Variants in PELI1 observed in about 807,000 individuals in gnomAD.
PELI1 encodes the protein pellino E3 ubiquitin protein ligase 1.
PELI1 carries 15 observed loss-of-function variants against 41.3 expected under a neutral mutation model. That is an observed-to-expected ratio of 0.36 (90% CI 0.24 to 0.56). The LOEUF is 0.56. Among genes scored for constraint, PELI1 ranks in the 20% least tolerant of loss-of-function variants. The pLI is 0.82. For synonymous variants in PELI1, 178 were observed against 180.1 expected (o/e 0.99, Z 0.09); for missense variants, 403 against 525.5 (o/e 0.77, Z 2.28).
At chr2:64,100,245 T>C (rs1680378986) in intron 4 of PELI1, among the ~76,000 whole-genome samples, 153 bp downstream of exon 4, 1 of 152,216 alleles carries the variant, frequency 6.6e-6, no homozygotes, top group African/African-American at 2.4e-5. Flanking sequence ...CCATGCTAGA[T>C]TGACTTCTAT....
chr2:64,106,611 G>C (rs1458939139), intron 2 of PELI1, among the ~76,000 whole-genome samples: 1 of 152,146 alleles, frequency 6.6e-6, no homozygotes, highest in Admixed American at 6.6e-5. Context: ...TCTGAGAAAA[G>C]AATTTTAAGT....
At chr2:64,127,708 A>C (rs771244046) in intron 1 of PELI1, among the ~76,000 whole-genome samples, 1 of 152,200 alleles carries the variant, frequency 6.6e-6, no homozygotes, top group Non-Finnish European at 1.5e-5. Flanking sequence ...TTTGCTAACT[A>C]TAATTCTTTT....
At chr2:64,126,267 G>C (rs1304108957) in intron 1 of PELI1, among the ~76,000 whole-genome samples, 1 of 152,112 alleles carries the variant, frequency 6.6e-6, no homozygotes, top group African/African-American at 2.4e-5. Flanking sequence ...GGGTTCAACC[G>C]ATTCTCCTGC....
At chr2:64,098,191 A>G (rs1362571316) in intron 4 of PELI1, among the ~76,000 whole-genome samples, 1 of 152,226 alleles carries the variant, frequency 6.6e-6, no homozygotes, top group East Asian at 1.9e-4. Context: ...GAATGTGATC[A>G]GATGCCAAAA....
In PELI1 at chr2:64,095,112, G is replaced by A; in HGVS notation, c.847C>T (p.Pro283Ser). 1 of 1,614,104 alleles carries A rather than the reference G, an allele frequency of 6.2e-7. No individual in the cohort carries two copies. The highest frequency in any genetic ancestry group is 8.5e-7 in the Non-Finnish European group (1 of 1,180,014). Residue 283 changes from proline to serine, a missense_variant, in exon 7 of 7, where the codon CCT becomes TCT. Transcript: ENST00000358912. ...QEINAARPQC[P>S]VGFNTLAFPS... ...AATGCTAGTGTGTTGAACCCTACAGGGCACTGAGGTCGTGCTGCATTGATT... is the reference window on the plus strand; with the variant it reads ...AATGCTAGTGTGTTGAACCCTACAGAGCACTGAGGTCGTGCTGCATTGATT...
At chr2:64,120,486 A>G (rs917581457) in intron 1 of PELI1, among the ~76,000 whole-genome samples, 6 of 152,268 alleles carry the variant, frequency 3.9e-5, no homozygotes, top group South Asian at 2.1e-4. Flanking sequence ...TCCACCCATT[A>G]AAGTTCAACT....
chr2:64,142,295 G>GA (rs1255829558), intron 1 of PELI1, among the ~76,000 whole-genome samples: 1 of 151,472 alleles, frequency 6.6e-6, no homozygotes, highest in Admixed American at 6.6e-5. Flanking sequence ...AAGGCTTTGG[G>GA]AAAAAAAATA....
chr2:64,095,446 A>C (rs1391198253), intron 6 of PELI1, among the ~76,000 whole-genome samples, 178 bp from the exon 7 acceptor site: 1 of 152,258 alleles, frequency 6.6e-6, no homozygotes, highest in African/African-American at 2.4e-5. Context: ...AGGATAAAAT[A>C]TCAAACATTA....
intron 1 of PELI1, among the ~76,000 whole-genome samples, chr2:64,134,065 T>A (rs1162607309): frequency 6.6e-6 from 1 of 152,092 alleles, no homozygotes; most frequent in Non-Finnish European, 1.5e-5. Context: ...GAGCCTTCAA[T>A]TTAAGGAGTA....
intron 1 of PELI1, among the ~76,000 whole-genome samples, chr2:64,109,872 G>A (rs182578551): frequency 1.7e-4 from 26 of 152,278 alleles, no homozygotes; most frequent in South Asian, 4.1e-4. Context: ...TTATAGACCC[G>A]TGCGTGAGAC....
At chr2:64,110,671 A>C (rs772429391) in intron 1 of PELI1, among the ~76,000 whole-genome samples, 6 of 152,150 alleles carry the variant, frequency 3.9e-5, no homozygotes, top group Non-Finnish European at 7.4e-5. Context: ...AATGTGTGTA[A>C]AGGAAATAGT....
rs569694674 is a variant in PELI1, at chr2:64,099,197, C to CACAT, written c.303+1200_303+1201insATGT. Among the ~76,000 whole-genome samples, 75 of 151,112 alleles carry CACAT rather than the reference C, an allele frequency of 5.0e-4. 2 individuals carry two copies. In the East Asian group the frequency reaches 0.012, roughly 25 times the overall value. On this transcript the variant is annotated intron_variant, in intron 4 of 6. Coordinates refer to ENST00000358912, the MANE Select transcript of PELI1 (RefSeq NM_020651.4). ...ACACACACACACACACACACACACA[C>CACAT]ACACATATATATTTATCTATATTTT...
chr2:64,109,844 G>A (rs1471062772), intron 1 of PELI1, among the ~76,000 whole-genome samples: 1 of 152,108 alleles, frequency 6.6e-6, no homozygotes, highest in Non-Finnish European at 1.5e-5. Flanking sequence ...AAAACAAAAT[G>A]AAACAAAAAA....
chr2:64,100,637 T>C (rs1576071260), intron 3 of PELI1, 138 bp from the exon 4 acceptor site: 2 of 665,060 alleles, frequency 3.0e-6, no homozygotes, highest in East Asian at 5.5e-5. Context: ...TTAGAGAGGT[T>C]AATAACTCCT....
intron 1 of PELI1, among the ~76,000 whole-genome samples, chr2:64,110,324 T>C (rs1680771487): frequency 1.4e-5 from 2 of 146,686 alleles, no homozygotes; most frequent in South Asian, 4.3e-4. Context: ...ATAACGACAA[T>C]TAGACTGACA....
chr2:64,139,784 A>T (rs1030979999), intron 1 of PELI1, among the ~76,000 whole-genome samples: 12 of 152,234 alleles, frequency 7.9e-5, no homozygotes, highest in African/African-American at 2.9e-4. Flanking sequence ...CACCAACAGC[A>T]GAAATTGCTA....
intron 3 of PELI1, among the ~76,000 whole-genome samples, chr2:64,103,059 T>G (rs1335938937): frequency 6.6e-6 from 1 of 152,004 alleles, no homozygotes; most frequent in East Asian, 1.9e-4. Flanking sequence ...CCCAGGCTGG[T>G]CTCGAACTCC....
intron 1 of PELI1, among the ~76,000 whole-genome samples, chr2:64,130,949 C>T (rs553313957): frequency 6.6e-6 from 1 of 152,010 alleles, no homozygotes; most frequent in South Asian, 2.1e-4. Context: ...CAATGGGTAA[C>T]TTATTTTCCT....
chr2:64,143,791 C>G (rs1182500465), intron 1 of PELI1, among the ~76,000 whole-genome samples: 1 of 151,964 alleles, frequency 6.6e-6, no homozygotes, highest in Non-Finnish European at 1.5e-5. Context: ...AGCCGGAGCG[C>G]GCGGCCAGCC....
Sources: gnomAD v4.1 joint callset for allele counts (sites outside exome capture counted in the v4.1 genomes callset) on GRCh38, gnomAD v4.1.1 for gene constraint, MANE v1.5 for transcripts, NCBI Gene and HGNC (gene_info 2026-07-23, HGNC 2026-07-21) for gene names.